Variants in FIRRM observed in about 807,000 individuals in gnomAD.
FIRRM encodes FIGNL1 interacting regulator of recombination and mitosis.
the FIRRM span, chr1:169,843,742 A>C: frequency 6.2e-7 from 1 of 1,609,182 alleles, no homozygotes; most frequent in Non-Finnish European, 8.5e-7. Context: ...TTTTCATTCA[A>C]ACTCTAGATC....
At chr1:169,808,835 G>C in the FIRRM span, among the ~76,000 whole-genome samples, 1 of 152,282 alleles carries the variant, frequency 6.6e-6, no homozygotes, top group African/African-American at 2.4e-5. Context: ...CTGACCTCAG[G>C]TGGTCCACCC....
At chr1:169,793,383 T>C in the FIRRM span, 4 of 1,614,248 alleles carry the variant, frequency 2.5e-6, no homozygotes, top group East Asian at 2.2e-5. Flanking sequence ...TCTTTAGGCA[T>C]AGCATGCTCT....
chr1:169,827,733 T>C, the FIRRM span: 6 of 1,614,016 alleles, frequency 3.7e-6, no homozygotes, highest in East Asian at 1.1e-4. Context: ...AACTGCAGTT[T>C]CCACAATGTC....
chr1:169,787,048 A>ATGC, the FIRRM span, among the ~76,000 whole-genome samples: 43 of 152,266 alleles, frequency 2.8e-4, no homozygotes, highest in African/African-American at 1.0e-3. Flanking sequence ...TTTCAGAACT[A>ATGC]TGCTGCTGCT....
chr1:169,825,554 A>G, the FIRRM span, among the ~76,000 whole-genome samples: 1 of 152,248 alleles, frequency 6.6e-6, no homozygotes, highest in East Asian at 1.9e-4. Context: ...GATTGAAAAA[A>G]TAAATTCTTG....
At chr1:169,784,683 C>T in the FIRRM span, among the ~76,000 whole-genome samples, 79,735 of 151,920 alleles carry the variant, frequency 0.52, 21,551 homozygotes, top group Middle Eastern at 0.64. Flanking sequence ...ACAAAGTCCC[C>T]TGACTAACAA....
the FIRRM span, chr1:169,850,445 T>A: frequency 1.3e-6 from 1 of 782,996 alleles, no homozygotes; most frequent in Non-Finnish European, 2.1e-6. Flanking sequence ...TAGCTTAAAC[T>A]TTTCACAGTG....
chr1:169,827,718 A>C, the FIRRM span: 844 of 1,614,036 alleles, frequency 5.2e-4, 2 homozygotes, highest in African/African-American at 9.6e-3. Context: ...AAGACCTGCC[A>C]TGTGAACTGC....
chr1:169,801,597 C>CAAAAAAAAA, the FIRRM span, among the ~76,000 whole-genome samples: 1 of 124,432 alleles, frequency 8.0e-6, no homozygotes, highest in Non-Finnish European at 1.7e-5. Flanking sequence ...ACCCTTAATT[C>CAAAAAAAAA]AAAAAAAAAA....
At chr1:169,805,032 T>C in the FIRRM span, among the ~76,000 whole-genome samples, 2 of 152,248 alleles carry the variant, frequency 1.3e-5, no homozygotes, top group African/African-American at 4.8e-5. Flanking sequence ...ACTTCATTGA[T>C]TTTATCACTC....
At chr1:169,808,801 G>T in the FIRRM span, among the ~76,000 whole-genome samples, 7 of 152,230 alleles carry the variant, frequency 4.6e-5, no homozygotes, top group African/African-American at 1.7e-4. Context: ...GTTTCGCCAT[G>T]TTGGCCAGGC....
At chr1:169,816,625 A>G in the FIRRM span, among the ~76,000 whole-genome samples, 2 of 152,198 alleles carry the variant, frequency 1.3e-5, no homozygotes, top group East Asian at 3.8e-4. Flanking sequence ...AAGACTTTTT[A>G]AAATATGAAT....
At chr1:169,846,920 T>C in the FIRRM span, among the ~76,000 whole-genome samples, 26 of 152,300 alleles carry the variant, frequency 1.7e-4, no homozygotes, top group African/African-American at 6.0e-4. Context: ...CCAGGCTGAA[T>C]TATCTTTAGC....
At chr1:169,786,030 A>G in the FIRRM span, among the ~76,000 whole-genome samples, 1 of 152,202 alleles carries the variant, frequency 6.6e-6, no homozygotes, top group Non-Finnish European at 1.5e-5. Context: ...TTTCAACTGT[A>G]ACTAAGGTTA....
chr1:169,829,462 C>G, the FIRRM span: 8 of 1,597,590 alleles, frequency 5.0e-6, no homozygotes, highest in African/African-American at 8.0e-5. Flanking sequence ...AAGCATATTA[C>G]TTACTGTGCT....
At chr1:169,843,568 A>C in the FIRRM span, 1 of 679,482 alleles carries the variant, frequency 1.5e-6, no homozygotes, top group Non-Finnish European at 2.6e-6. Flanking sequence ...TAAATATAAA[A>C]TACTTAACAT....
At chr1:169,853,474 T>C in the FIRRM span, 1 of 475,198 alleles carries the variant, frequency 2.1e-6, no homozygotes, top group Admixed American at 3.8e-5. Flanking sequence ...CTGGCCTCAG[T>C]CAAATGCACA....
chr1:169,851,199 T>C, the FIRRM span: 2 of 152,962 alleles, frequency 1.3e-5, no homozygotes, highest in Non-Finnish European at 2.9e-5. Context: ...AATAGTTAAT[T>C]GAAATACTAG....
chr1:169,792,661 A>G, the FIRRM span: 56 of 1,611,902 alleles, frequency 3.5e-5, no homozygotes, highest in East Asian at 5.8e-4. Flanking sequence ...TCTTAAAAAC[A>G]TCTCTTTCTT....
Sources: gnomAD v4.1 joint callset for allele counts (sites outside exome capture counted in the v4.1 genomes callset) on GRCh38, gnomAD v4.1.1 for gene constraint, MANE v1.5 for transcripts, NCBI Gene and HGNC (gene_info 2026-07-23, HGNC 2026-07-21) for gene names.